Variants in SLC2A5 observed in about 807,000 individuals in gnomAD.
The protein encoded by SLC2A5 is solute carrier family 2 member 5.
In SLC2A5, 56 loss-of-function variants were observed where a neutral mutation model predicts 50.3. That is an observed-to-expected ratio of 1.11 (90% CI 0.90 to 1.39). The LOEUF (loss-of-function observed/expected upper bound fraction) is 1.39, where lower values mean the gene tolerates loss of function less well. Among genes scored for constraint, SLC2A5 ranks in the 40% most tolerant of loss-of-function variants. The pLI, the probability that SLC2A5 is intolerant of heterozygous loss-of-function variation, is 0.00. For missense variants in SLC2A5, 566 were observed against 650.1 expected, an observed-to-expected ratio of 0.87 and a Z score of 1.41; for synonymous variants, 269 against 281.9, an observed-to-expected ratio of 0.95 and a Z score of 0.46.
intron 2 of SLC2A5, among the ~76,000 whole-genome samples, chr1:9,077,496 T>TCCAAAGTGC (rs1216346736): frequency 6.7e-6 from 1 of 149,750 alleles, no homozygotes; most frequent in Admixed American, 6.6e-5. Flanking sequence ...ATCCCAGCAC[T>TCCAAAGTGC]TTGGGAGGCT....
At chr1:9,057,983 G>A (rs1421808239) in intron 2 of SLC2A5, among the ~76,000 whole-genome samples, 169 bp downstream of exon 2, 1 of 152,244 alleles carries the variant, frequency 6.6e-6, no homozygotes, top group East Asian at 1.9e-4. Context: ...CCCATCCCAA[G>A]AGACCTGTGT....
chr1:9,047,804 G>C, intron 3 of SLC2A5, 70 bp from the exon 4 acceptor site: 1 of 1,535,268 alleles, frequency 6.5e-7, no homozygotes, highest in Non-Finnish European at 8.9e-7. Context: ...TGTTTCTGGA[G>C]TGTCTCCTCT....
intron 4 of SLC2A5, among the ~76,000 whole-genome samples, chr1:9,045,519 C>G (rs1267338371): frequency 6.6e-6 from 1 of 152,152 alleles, no homozygotes; most frequent in Non-Finnish European, 1.5e-5. Flanking sequence ...GACCTGCTTA[C>G]TGGTGGCAAC....
intron 3 of SLC2A5, among the ~76,000 whole-genome samples, chr1:9,056,375 G>T (rs1641752187): frequency 6.6e-6 from 1 of 152,066 alleles, no homozygotes; most frequent in Non-Finnish European, 1.5e-5. Flanking sequence ...AGTAGAGACG[G>T]AGTTTCACCA....
At chr1:9,071,066 A>G (rs1364507348), upstream of SLC2A5, among the ~76,000 whole-genome samples, 1 of 152,144 alleles carries the variant, frequency 6.6e-6, no homozygotes, top group Non-Finnish European at 1.5e-5. Context: ...GGGGAGAGGA[A>G]ATCAACGATG....
rs1642281415 is a variant in SLC2A5, at chr1:9,076,182, C to T, written c.-58-6588G>A. Among the ~76,000 whole-genome samples the T allele has an allele frequency of 5.3e-5, 8 of 151,974 alleles. No homozygotes were observed. In the South Asian group the frequency reaches 1.7e-3, roughly 32 times the overall value. Reference sequence around the variant, plus strand: ...TGTTGGCCAGGCTGTTCTAGAACTCCTGACCTCAAATGATCTGACCGCCTC... The same window carrying T: ...TGTTGGCCAGGCTGTTCTAGAACTCTTGACCTCAAATGATCTGACCGCCTC... On this transcript the variant is annotated intron_variant, in intron 2 of 5. Coordinates refer to the SLC2A5 transcript ENST00000464985.
intron 2 of SLC2A5, among the ~76,000 whole-genome samples, chr1:9,074,819 T>A (rs1330535292): frequency 2.0e-5 from 3 of 151,902 alleles, no homozygotes; most frequent in Non-Finnish European, 4.4e-5. Flanking sequence ...AGCCCAGGAG[T>A]TCGAGACCAG....
chr1:9,061,785 C>T (rs1432102462), intron 1 of SLC2A5, among the ~76,000 whole-genome samples: 2 of 152,128 alleles, frequency 1.3e-5, no homozygotes, highest in African/African-American at 4.8e-5. Context: ...ACAAGCACAG[C>T]CCAGCTGGTG....
At chr1:9,042,913 A>T (rs1641342965) in intron 4 of SLC2A5, among the ~76,000 whole-genome samples, 2 of 152,176 alleles carry the variant, frequency 1.3e-5, no homozygotes, top group Non-Finnish European at 2.9e-5. Flanking sequence ...ACTACTTCTG[A>T]ATCCCCAGTA....
chr1:9,041,633 G>C, intron 5 of SLC2A5, 152 bp downstream of exon 5: 1 of 1,490,584 alleles, frequency 6.7e-7, no homozygotes, highest in Non-Finnish European at 8.9e-7. Flanking sequence ...ATGTTGGCTC[G>C]GGACAGGATG....
intron 4 of SLC2A5, among the ~76,000 whole-genome samples, chr1:9,043,048 T>C (rs2124329400): frequency 6.6e-6 from 1 of 152,258 alleles, no homozygotes; most frequent in South Asian, 2.1e-4. Context: ...TTTTGCAGCT[T>C]CCAAAGTATT....
chr1:9,071,324 A>G (rs1642205963), upstream of SLC2A5, among the ~76,000 whole-genome samples: 1 of 152,130 alleles, frequency 6.6e-6, no homozygotes, highest in Admixed American at 6.5e-5. Flanking sequence ...GCAGGAGAAT[A>G]GCTGGAACCC....
At position 9,037,232 on chromosome 1, in the gene SLC2A5, C is replaced by T. The variant is rs528551007; in HGVS notation, c.*354G>A. On this transcript the variant is annotated 3_prime_UTR_variant, in exon 12 of 12. Coordinates refer to ENST00000377424, the MANE Select transcript of SLC2A5 (RefSeq NM_003039.3). ...GCAAAATTTGATTCCTTCCATCTCACCACTATAGTAACTGTTGTTGTTATG... is the reference window on the plus strand; with the variant it reads ...GCAAAATTTGATTCCTTCCATCTCATCACTATAGTAACTGTTGTTGTTATG... 3.7e-6 allele frequency: 1 copy of T among 271,382 alleles called. No individual in the cohort carries two copies. The highest frequency in any genetic ancestry group is 2.2e-5 in the African/African-American group (1 of 45,552). The allele number at this position is 271,382 out of a possible 1,614,324, so 16.8% of individuals were successfully genotyped here.
At chr1:9,038,382 TG>T in intron 10 of SLC2A5, 48 bp downstream of exon 10, 1 of 1,389,472 alleles carries the variant, frequency 7.2e-7, no homozygotes, top group Non-Finnish European at 1.0e-6. Flanking sequence ...CCGGAGCTTC[TG>T]GGACCAGGGG....
chr1:9,051,263 GACAA>G (rs1368481720), intron 3 of SLC2A5, among the ~76,000 whole-genome samples: 2 of 149,912 alleles, frequency 1.3e-5, no homozygotes, highest in Non-Finnish European at 3.0e-5. Context: ...GAGAGAGAGA[GACAA>G]AGAAAGAAAG....
intron 1 of SLC2A5, among the ~76,000 whole-genome samples, chr1:9,062,454 G>A (rs933502559): frequency 7.9e-5 from 12 of 152,194 alleles, no homozygotes; most frequent in Admixed American, 2.0e-4. Context: ...GGAGCGTGGG[G>A]AAAGGAGGGC....
intron 5 of SLC2A5, 133 bp downstream of exon 5, chr1:9,041,652 A>C: frequency 6.5e-7 from 1 of 1,539,480 alleles, no homozygotes; most frequent in Non-Finnish European, 8.8e-7. Context: ...TGGGCCCCCC[A>C]AGGACATCCA....
intron 2 of SLC2A5, among the ~76,000 whole-genome samples, chr1:9,077,280 T>C (rs893755993): frequency 6.6e-6 from 1 of 150,686 alleles, no homozygotes; most frequent in Non-Finnish European, 1.5e-5. Flanking sequence ...ATGCCTGTAG[T>C]CCCAGCCACT....
At chr1:9,067,009 A>G (rs1348882648) in intron 1 of SLC2A5, among the ~76,000 whole-genome samples, 1 of 151,678 alleles carries the variant, frequency 6.6e-6, no homozygotes, top group Non-Finnish European at 1.5e-5. Context: ...GGAAAAAGAA[A>G]GAAAAAGAAG....
Sources: gnomAD v4.1 joint callset for allele counts (sites outside exome capture counted in the v4.1 genomes callset) on GRCh38, gnomAD v4.1.1 for gene constraint, MANE v1.5 for transcripts, NCBI Gene and HGNC (gene_info 2026-07-23, HGNC 2026-07-21) for gene names.